Variants in PDE4B observed in about 807,000 individuals in gnomAD.
PDE4B encodes phosphodiesterase 4B.
In PDE4B, 20 loss-of-function variants were observed where a neutral mutation model predicts 82.2. That is an observed-to-expected ratio of 0.24 (90% confidence interval 0.17 to 0.35). PDE4B has a LOEUF of 0.35. Among genes scored for constraint, PDE4B ranks in the 10% least tolerant of loss-of-function variants. The probability of loss-of-function intolerance (pLI) is 1.00; values close to 1 mark genes in which losing one functional copy is unlikely to be tolerated. For synonymous variants in PDE4B, 320 were observed against 318.9 expected, an observed-to-expected ratio of 1.00 and a Z score of -0.04; for missense variants, 655 against 907.2, an observed-to-expected ratio of 0.72 and a Z score of 3.57.
intron 7 of PDE4B, among the ~76,000 whole-genome samples, chr1:66,304,179 A>G (rs529720323): frequency 6.6e-6 from 1 of 152,272 alleles, no homozygotes; most frequent in Admixed American, 6.5e-5. Context: ...CTTGTCAGTG[A>G]GGTCATTTCT....
chr1:66,365,227 T>C (rs1374266613), intron 12 of PDE4B, among the ~76,000 whole-genome samples: 7 of 152,238 alleles, frequency 4.6e-5, no homozygotes. Flanking sequence ...GCTTATCTTA[T>C]GAATCGGGAG....
chr1:66,328,073 T>C (rs1659860697), intron 7 of PDE4B, among the ~76,000 whole-genome samples: 2 of 152,240 alleles, frequency 1.3e-5, no homozygotes, highest in Admixed American at 1.3e-4. Context: ...GATTAACGAA[T>C]AGTGTGCTGG....
chr1:65,867,597 C>G (rs971338333), intron 1 of PDE4B, among the ~76,000 whole-genome samples: 3 of 152,156 alleles, frequency 2.0e-5, no homozygotes, highest in Non-Finnish European at 4.4e-5. Context: ...TGTGTGCAGC[C>G]TTGTCTTTTT....
intron 3 of PDE4B, among the ~76,000 whole-genome samples, chr1:66,096,196 A>G (rs1645110609): frequency 6.6e-6 from 1 of 151,660 alleles, no homozygotes; most frequent in Admixed American, 6.6e-5. Flanking sequence ...AGCCTCTAGT[A>G]TCCTCTGTTC....
chr1:66,343,923 T>C (rs139317529), intron 8 of PDE4B, among the ~76,000 whole-genome samples: 88 of 152,270 alleles, frequency 5.8e-4, no homozygotes, highest in South Asian at 5.2e-3. Flanking sequence ...CCAGTGGCAA[T>C]GTGCATTTCC....
intron 3 of PDE4B, among the ~76,000 whole-genome samples, chr1:65,942,341 C>T (rs12117841): frequency 0.014 from 2,186 of 151,980 alleles, 25 homozygotes; most frequent in Non-Finnish European, 0.022. Flanking sequence ...TCCATGTTGT[C>T]ACAAATGACA....
At chr1:66,157,449 C>T (rs916246606) in intron 3 of PDE4B, among the ~76,000 whole-genome samples, 4 of 152,168 alleles carry the variant, frequency 2.6e-5, no homozygotes, top group Admixed American at 6.5e-5. Context: ...AACTTATAGA[C>T]CTTCATGACC....
intron 7 of PDE4B, among the ~76,000 whole-genome samples, chr1:66,312,374 ATT>A (rs1347358507): frequency 6.6e-6 from 1 of 152,068 alleles, no homozygotes; most frequent in Non-Finnish European, 1.5e-5. Flanking sequence ...GGGAACATCC[ATT>A]TTCCTGTCTC....
intron 1 of PDE4B, among the ~76,000 whole-genome samples, chr1:65,855,731 C>A (rs1454102398): frequency 6.6e-6 from 1 of 152,144 alleles, no homozygotes; most frequent in Non-Finnish European, 1.5e-5. Context: ...AACTCTACTG[C>A]ATATGTTCCA....
intron 1 of PDE4B, among the ~76,000 whole-genome samples, chr1:65,908,674 G>A (rs540180986): frequency 2.6e-5 from 4 of 152,068 alleles, no homozygotes; most frequent in Non-Finnish European, 5.9e-5. Flanking sequence ...GTAGACTATC[G>A]GGCAAGGGGA....
intron 7 of PDE4B, chr1:66,266,709 C>G: frequency 1.9e-6 from 1 of 527,070 alleles, no homozygotes. Context: ...TTGAGAGCTG[C>G]AGAGAGGAAG....
intron 3 of PDE4B, among the ~76,000 whole-genome samples, chr1:65,973,295 A>G (rs1481309818): frequency 6.6e-6 from 1 of 151,824 alleles, no homozygotes; most frequent in Non-Finnish European, 1.5e-5. Context: ...TATATAAAAT[A>G]TATATTTATC....
intron 16 of PDE4B, among the ~76,000 whole-genome samples, chr1:66,369,967 G>T (rs1011707792): frequency 1.1e-4 from 16 of 151,860 alleles, no homozygotes; most frequent in African/African-American, 3.1e-4. Context: ...GGCCAACATG[G>T]TGAAACCCTG....
At chr1:65,836,461 C>T (rs1250751125) in intron 1 of PDE4B, among the ~76,000 whole-genome samples, 5 of 152,108 alleles carry the variant, frequency 3.3e-5, no homozygotes, top group South Asian at 2.1e-4. Flanking sequence ...GTTTAGCATC[C>T]AGTAATTCTT....
intron 1 of PDE4B, among the ~76,000 whole-genome samples, chr1:65,800,370 A>G (rs978696291): frequency 4.6e-5 from 7 of 152,228 alleles, no homozygotes; most frequent in Non-Finnish European, 7.3e-5. Flanking sequence ...ATGTTGTACA[A>G]AAAGATATAA....
At chr1:66,127,012 T>C (rs1182743294) in intron 3 of PDE4B, among the ~76,000 whole-genome samples, 1 of 152,066 alleles carries the variant, frequency 6.6e-6, no homozygotes, top group Non-Finnish European at 1.5e-5. Flanking sequence ...GGGGGAACTA[T>C]TATAGACTGA....
intron 7 of PDE4B, among the ~76,000 whole-genome samples, chr1:66,292,096 C>T (rs1657128474): frequency 6.6e-6 from 1 of 152,150 alleles, no homozygotes; most frequent in Non-Finnish European, 1.5e-5. Context: ...CCAGATGATT[C>T]TTGTATAAAT....
rs1553196174 is a variant in PDE4B, at chr1:65,887,438, T to TTTTTTA, written c.-70-25807_-70-25806insTTTTTA. Among the ~76,000 whole-genome samples the TTTTTTA allele has an allele frequency of 8.6e-5, 10 of 115,976 alleles. 2 individuals are homozygous for TTTTTTA. The highest frequency in any genetic ancestry group is 3.6e-4 in the African/African-American group (10 of 27,490). The allele number at this position is 115,976 out of a possible 152,430, so 76.1% of individuals were successfully genotyped here. A position where few individuals can be genotyped will look rare whatever the true frequency, so the allele number is the denominator to read the frequency against. ...TGTTTTTTTTTTTTTTTTTTTTTTT[T>TTTTTTA]ACAGGGTCTCACTCTTTCACCCTGG... On this transcript the variant is annotated intron_variant, in intron 1 of 16. Transcript: ENST00000341517.
chr1:66,343,935 G>A (rs758835530), intron 8 of PDE4B, among the ~76,000 whole-genome samples: 1 of 152,040 alleles, frequency 6.6e-6, no homozygotes. Flanking sequence ...TGCATTTCCA[G>A]TATACTTTTG....
Sources: allele counts gnomAD v4.1 joint callset (sites outside exome capture counted in the v4.1 genomes callset), GRCh38; gene constraint gnomAD v4.1.1; transcripts MANE v1.5; gene names NCBI Gene and HGNC (gene_info 2026-07-23, HGNC 2026-07-21).